The following ZBBX variants were observed in gnomAD, a reference collection of about 807,000 sequenced individuals.
The protein encoded by ZBBX is zinc finger B-box domain containing.
ZBBX carries 101 observed loss-of-function variants against 108.5 expected under a neutral mutation model. The ratio of observed to expected loss-of-function variants is 0.93; its 90% confidence interval spans 0.79 to 1.10. The LOEUF is 1.10. Ranked by LOEUF, ZBBX falls within the 50% of genes least tolerant of loss-of-function variation. ZBBX has a pLI of 0.00. For synonymous variants in ZBBX, 356 were observed against 323.4 expected (o/e 1.10, Z -1.08); for missense variants, 1,009 against 941.4 (o/e 1.07, Z -0.94).
At chr3:167,231,604 G>A in the ZBBX span, among the ~76,000 whole-genome samples, 2 of 151,700 alleles carry the variant, frequency 1.3e-5, no homozygotes, top group African/African-American at 4.8e-5. Context: ...TTACTAATGA[G>A]GGGAGCAAAA....
At chr3:167,268,680 T>C (rs894887877) in intron 20 of ZBBX, among the ~76,000 whole-genome samples, 1 of 152,124 alleles carries the variant, frequency 6.6e-6, no homozygotes. Context: ...CTCCACTTTG[T>C]CACTAAGAGT....
At chr3:167,205,568 T>C in the ZBBX span, among the ~76,000 whole-genome samples, 1 of 152,128 alleles carries the variant, frequency 6.6e-6, no homozygotes, top group Admixed American at 6.6e-5. Flanking sequence ...CAGCTAACAT[T>C]TATGCAGGAC....
the ZBBX span, among the ~76,000 whole-genome samples, chr3:167,202,326 C>A: frequency 2.0e-5 from 3 of 152,142 alleles, no homozygotes; most frequent in African/African-American, 7.2e-5. Flanking sequence ...TTGTGAGAAG[C>A]ATTATCAGAA....
intron 9 of ZBBX, among the ~76,000 whole-genome samples, chr3:167,338,449 A>G (rs532492398): frequency 6.6e-6 from 1 of 152,206 alleles, no homozygotes; most frequent in South Asian, 2.1e-4. Context: ...TCTAACTACC[A>G]TCATCATCCA....
the ZBBX span, among the ~76,000 whole-genome samples, chr3:167,183,151 T>C: frequency 2.6e-5 from 4 of 152,322 alleles, no homozygotes; most frequent in East Asian, 1.9e-4. Flanking sequence ...ACTTTAGCTT[T>C]AGCTGGCAAA....
intron 14 of ZBBX, among the ~76,000 whole-genome samples, chr3:167,316,560 C>T (rs1368768954): frequency 6.6e-6 from 1 of 152,026 alleles, no homozygotes; most frequent in Non-Finnish European, 1.5e-5. Context: ...GACTGAACTT[C>T]TTAAGTCTTA....
In ZBBX at chr3:167,305,852, A is replaced by C. The variant is rs757173235; in HGVS notation, c.1516T>G (p.Leu506Val). ...IEESTSFERN[L>V]KEKNIGLESN... is the part of the protein sequence containing the mutation. ...TCTAAACCTATATTTTTCTCCTTTA[A>C]ATTTCTTTCAAAGGAGGTGCTTTCC... The change falls in exon 17 of 22, where the codon TTA becomes GTA. Residue 506 changes from leucine (L) to valine (V), a missense_variant. Leu to Val is a conservative substitution (Grantham distance 32). Coordinates refer to ENST00000675490, the MANE Select transcript of ZBBX (RefSeq NM_001199201.2). 4 of 1,610,508 alleles carry C rather than the reference A, an allele frequency of 2.5e-6. No homozygotes were observed. The Admixed American group carries it at 6.7e-5, about 27-fold the overall frequency.
At chr3:167,211,863 G>A in the ZBBX span, among the ~76,000 whole-genome samples, 9 of 152,018 alleles carry the variant, frequency 5.9e-5, no homozygotes, top group South Asian at 1.9e-3. Flanking sequence ...GGGAGGAGTG[G>A]GCCACCATCT....
intron 20 of ZBBX, among the ~76,000 whole-genome samples, chr3:167,255,639 T>A (rs1478781571): frequency 6.6e-6 from 1 of 152,062 alleles, no homozygotes; most frequent in Non-Finnish European, 1.5e-5. Context: ...TATTTTTACC[T>A]TTTCTCTCAA....
At chr3:167,263,707 T>C (rs1724985011) in intron 20 of ZBBX, among the ~76,000 whole-genome samples, 1 of 152,208 alleles carries the variant, frequency 6.6e-6, no homozygotes, top group Admixed American at 6.5e-5. Context: ...TTGGATGAAA[T>C]GTTCTGTAAA....
intron 2 of ZBBX, 110 bp from the exon 3 acceptor site, chr3:167,373,897 A>T (rs1335447892): frequency 6.6e-6 from 1 of 152,140 alleles, no homozygotes; most frequent in African/African-American, 2.4e-5. Context: ...TTATAAGTGG[A>T]TCTGCACAGT....
At chr3:167,212,121 G>A in the ZBBX span, among the ~76,000 whole-genome samples, 2 of 152,136 alleles carry the variant, frequency 1.3e-5, no homozygotes, top group Non-Finnish European at 2.9e-5. Flanking sequence ...AAAGCTCCCA[G>A]GGGAAGAAAC....
At chr3:167,338,076 T>A (rs182770468) in intron 9 of ZBBX, among the ~76,000 whole-genome samples, 2 of 152,148 alleles carry the variant, frequency 1.3e-5, no homozygotes, top group Non-Finnish European at 2.9e-5. Flanking sequence ...TCAAGGCACA[T>A]AGTAAATCAT....
chr3:167,275,054 C>T (rs1322830954), intron 20 of ZBBX, among the ~76,000 whole-genome samples: 1 of 152,108 alleles, frequency 6.6e-6, no homozygotes, highest in Non-Finnish European at 1.5e-5. Flanking sequence ...GGTGGAAAAA[C>T]ATTTATCTGA....
chr3:167,275,564 T>C (rs905247475), intron 20 of ZBBX, among the ~76,000 whole-genome samples: 1 of 152,176 alleles, frequency 6.6e-6, no homozygotes, highest in African/African-American at 2.4e-5. Flanking sequence ...TACTGCGCTT[T>C]TCCAACGGGC....
At chr3:167,308,717 A>G (rs1734081470) in intron 16 of ZBBX, among the ~76,000 whole-genome samples, 1 of 152,134 alleles carries the variant, frequency 6.6e-6, no homozygotes, top group African/African-American at 2.4e-5. Flanking sequence ...ACTAAGCACT[A>G]GTTTATAATT....
At chr3:167,191,821 G>A in the ZBBX span, among the ~76,000 whole-genome samples, 1 of 146,006 alleles carries the variant, frequency 6.8e-6, no homozygotes, top group African/African-American at 2.5e-5. Flanking sequence ...ATTTTCTCTA[G>A]TAGTACGCTT....
At chr3:167,396,060 T>C (rs1748227412) in intron 1 of ZBBX, among the ~76,000 whole-genome samples, 3 of 152,026 alleles carry the variant, frequency 2.0e-5, no homozygotes, top group Admixed American at 2.0e-4. Flanking sequence ...GCGGAATTCA[T>C]TGTTTTCCTG....
intron 1 of ZBBX, among the ~76,000 whole-genome samples, chr3:167,396,162 C>T (rs915826579): frequency 1.3e-5 from 2 of 151,990 alleles, no homozygotes; most frequent in Non-Finnish European, 1.5e-5. Context: ...TGTTTGTTTG[C>T]CCTCATAACC....
Sources: allele counts gnomAD v4.1 joint callset (sites outside exome capture counted in the v4.1 genomes callset), GRCh38; gene constraint gnomAD v4.1.1; transcripts MANE v1.5; gene names NCBI Gene and HGNC (gene_info 2026-07-23, HGNC 2026-07-21).